The following BAZ2B variants were observed in gnomAD, a reference collection of about 807,000 sequenced individuals.
BAZ2B encodes the protein bromodomain adjacent to zinc finger domain 2B, also known as bromodomain adjacent to zinc finger domain protein 2B.
In BAZ2B, 91 loss-of-function variants were observed where a neutral mutation model predicts 246.0. That is an observed-to-expected ratio of 0.37 (90% CI 0.31 to 0.44). The LOEUF (loss-of-function observed/expected upper bound fraction) is 0.44, where lower values mean the gene tolerates loss of function less well. Ranked by LOEUF, BAZ2B falls within the 20% of genes least tolerant of loss-of-function variation. The pLI is 1.00. For missense variants in BAZ2B, 2,332 were observed against 2,533.7 expected (o/e 0.92, Z 1.71); for synonymous variants, 855 against 860.0 (o/e 0.99, Z 0.10).
intron 36 of BAZ2B, among the ~76,000 whole-genome samples, chr2:159,322,269 G>T (rs2062805767): frequency 6.6e-6 from 1 of 152,072 alleles, no homozygotes; most frequent in African/African-American, 2.4e-5. Flanking sequence ...TTTTACTGAG[G>T]TTAAGAAATT....
chr2:159,398,447 C>A (rs2149709099), intron 18 of BAZ2B: 2 of 156,152 alleles, frequency 1.3e-5, no homozygotes, highest in South Asian at 4.1e-4. Context: ...GATTGAGACT[C>A]AAATATAAAC....
chr2:159,398,780 T>C (rs972321374), intron 18 of BAZ2B, 49 bp downstream of exon 18: 7 of 1,522,124 alleles, frequency 4.6e-6, no homozygotes, highest in Admixed American at 1.8e-5. Context: ...GTATAACATA[T>C]AGTTTTTATT....
chr2:159,526,350 T>C (rs572000861), intron 2 of BAZ2B, among the ~76,000 whole-genome samples: 4 of 152,126 alleles, frequency 2.6e-5, no homozygotes, highest in African/African-American at 9.7e-5. Flanking sequence ...CGTAATACAG[T>C]AATTCTAGAT....
chr2:159,566,830 C>T (rs1323901758), intron 1 of BAZ2B, among the ~76,000 whole-genome samples: 1 of 152,050 alleles, frequency 6.6e-6, no homozygotes. Context: ...ATATCCTTTA[C>T]TGTTCTAAAA....
chr2:159,617,591 AATT>A (rs1490462567), upstream of BAZ2B, among the ~76,000 whole-genome samples: 1 of 152,150 alleles, frequency 6.6e-6, no homozygotes, highest in East Asian at 1.9e-4. Context: ...AGTAAGTAAA[AATT>A]AAGCTATCGG....
chr2:159,430,895 G>C lies in BAZ2B; in HGVS notation c.2162C>G (p.Ser721Cys). ...ESQSPAFLGT[S>C]SSTLTSSPHS... Reference sequence around the variant, plus strand: ...TGGGCTTGAAGTAAGTGTGGAAGAAGATGTACCAAGAAAAGCAGGTGACTG... The same window carrying C: ...TGGGCTTGAAGTAAGTGTGGAAGAACATGTACCAAGAAAAGCAGGTGACTG... Residue 721 changes from serine to cysteine, a missense_variant, in exon 10 of 37, where the codon TCT becomes TGT. Coordinates refer to ENST00000392783, the MANE Select transcript of BAZ2B (RefSeq NM_013450.4). 2 of 1,613,880 alleles carry C rather than the reference G, an allele frequency of 1.2e-6. No individual in the cohort carries two copies. The highest frequency in any genetic ancestry group is 2.2e-5 in the South Asian group (2 of 91,058).
rs201782748 is a variant in BAZ2B, at chr2:159,414,828, A to AT, written c.2467-2284_2467-2283insA. 8.8e-4 allele frequency among the ~76,000 whole-genome samples: 133 copies of AT among 151,842 alleles called. No homozygotes were observed. The East Asian group carries it at 0.022, about 26-fold the overall frequency. On this transcript the variant is annotated intron_variant, in intron 13 of 36. Coordinates refer to ENST00000392783, the MANE Select transcript of BAZ2B (RefSeq NM_013450.4). Reference sequence around the variant, plus strand: ...CGAGACTCCACCTCAAAAAAAAAAAAATATTCTCATGTACCCCATATATAT... The same window carrying AT: ...CGAGACTCCACCTCAAAAAAAAAAAATATATTCTCATGTACCCCATATATAT...
At chr2:159,371,737 C>T (rs1362049759) in intron 27 of BAZ2B, among the ~76,000 whole-genome samples, 2 of 152,188 alleles carry the variant, frequency 1.3e-5, no homozygotes, top group East Asian at 3.8e-4. Flanking sequence ...TCCAAGAGCT[C>T]ACAGTCTAGT....
intron 14 of BAZ2B, among the ~76,000 whole-genome samples, chr2:159,407,382 G>A (rs979171263): frequency 2.6e-5 from 4 of 152,026 alleles, no homozygotes; most frequent in African/African-American, 7.2e-5. Context: ...TGAAGCAGAA[G>A]AACTGCTTGA....
chr2:159,381,992 C>G (rs1310360035), intron 25 of BAZ2B, among the ~76,000 whole-genome samples: 1 of 152,168 alleles, frequency 6.6e-6, no homozygotes, highest in Non-Finnish European at 1.5e-5. Context: ...TCTAAATGCT[C>G]TTAAGTTGTA....
At chr2:159,425,901 T>C (rs2069747367) in intron 13 of BAZ2B, among the ~76,000 whole-genome samples, 1 of 152,210 alleles carries the variant, frequency 6.6e-6, no homozygotes, top group South Asian at 2.1e-4. Flanking sequence ...CAATCCAGTA[T>C]ATAAAAATGT....
chr2:159,463,970 CT>C (rs917889929), intron 3 of BAZ2B: 4 of 131,296 alleles, frequency 3.0e-5, no homozygotes, highest in Non-Finnish European at 7.5e-5. Flanking sequence ...TCCCAAAGTG[CT>C]GGGATTACAA....
chr2:159,489,391 A>T (rs2080197323), intron 2 of BAZ2B, among the ~76,000 whole-genome samples: 1 of 152,188 alleles, frequency 6.6e-6, no homozygotes, highest in Admixed American at 6.6e-5. Context: ...TAAGCATCGA[A>T]AAACAGTTAA....
intron 27 of BAZ2B, among the ~76,000 whole-genome samples, chr2:159,370,457 G>A (rs532255466): frequency 3.1e-5 from 4 of 130,818 alleles, no homozygotes; most frequent in Admixed American, 9.0e-5. Context: ...TACAAGCTCC[G>A]TCTCCCGGGT....
At chr2:159,543,462 T>C (rs1445801815) in intron 2 of BAZ2B, among the ~76,000 whole-genome samples, 1 of 152,248 alleles carries the variant, frequency 6.6e-6, no homozygotes, top group Middle Eastern at 3.4e-3. Context: ...CTTATCCTTT[T>C]GTGGTATGGA....
chr2:159,654,553 T>C, the BAZ2B span, among the ~76,000 whole-genome samples: 1 of 152,144 alleles, frequency 6.6e-6, no homozygotes, highest in Non-Finnish European at 1.5e-5. Context: ...CACAATTTGC[T>C]AGCAGTTTAA....
chr2:159,502,291 A>G (rs1261316321), intron 2 of BAZ2B, among the ~76,000 whole-genome samples: 1 of 151,592 alleles, frequency 6.6e-6, no homozygotes, highest in African/African-American at 2.4e-5. Flanking sequence ...CTTTAAATGG[A>G]CAAATTGTAT....
upstream of BAZ2B, among the ~76,000 whole-genome samples, chr2:159,620,366 T>G (rs1466033998): frequency 6.6e-6 from 1 of 152,244 alleles, no homozygotes; most frequent in African/African-American, 2.4e-5. Flanking sequence ...GAGTGCTTGC[T>G]ATATGCTACG....
chr2:159,558,965 G>A (rs905607657), intron 1 of BAZ2B, among the ~76,000 whole-genome samples: 1 of 152,042 alleles, frequency 6.6e-6, no homozygotes, highest in Admixed American at 6.5e-5. Flanking sequence ...TAGGCCAGGC[G>A]CGGGTGGTTC....
Sources: allele counts gnomAD v4.1 joint callset (sites outside exome capture counted in the v4.1 genomes callset), GRCh38; gene constraint gnomAD v4.1.1; transcripts MANE v1.5; gene names NCBI Gene and HGNC (gene_info 2026-07-23, HGNC 2026-07-21).